Variants in MYO1H observed in about 807,000 individuals in gnomAD.
MYO1H encodes myosin IH.
In MYO1H, 118 loss-of-function variants were observed where a neutral mutation model predicts 149.3. That is an observed-to-expected ratio of 0.79 (90% CI 0.68 to 0.92). MYO1H has a LOEUF of 0.92. MYO1H is among the 40% of genes least tolerant of loss of function. The pLI, the probability that MYO1H is intolerant of heterozygous loss-of-function variation, is 0.00. For missense variants in MYO1H, 1,212 were observed against 1,280.7 expected (o/e 0.95, Z 0.82); for synonymous variants, 447 against 465.2 (o/e 0.96, Z 0.50).
chr12:109,407,877 G>A lies in MYO1H; in HGVS notation c.1119G>A (p.Trp373Ter), dbSNP rs1366212599. 6.2e-7 allele frequency: 1 copy of A among 1,613,946 alleles called. No homozygotes were observed. The highest frequency in any genetic ancestry group is 1.7e-5 in the Admixed American group (1 of 60,018). The change falls in exon 10 of 32, where the codon TGG (tryptophan) becomes TGA (stop). Residue 373 changes from tryptophan (W) to a stop codon, truncating the protein, a stop_gained. Transcript: ENST00000310903. LOFTEE classifies it high-confidence loss of function. ...CTGTTTATGGACGAACGTTTACTTG[G>A]CTGGTCAACAAAATCAATTCCTCCT...
chr12:109,370,123 CAAGAT>C (rs1868951688), intron 1 of MYO1H, among the ~76,000 whole-genome samples: 2 of 152,136 alleles, frequency 1.3e-5, no homozygotes. Flanking sequence ...AGCTACAACT[CAAGAT>C]GAGATTTGGG....
At chr12:109,408,454 CA>C (rs1476290171) in intron 10 of MYO1H, among the ~76,000 whole-genome samples, 1 of 152,174 alleles carries the variant, frequency 6.6e-6, no homozygotes, top group Non-Finnish European at 1.5e-5. Flanking sequence ...GGATTACAGG[CA>C]TGAACCACCA....
the MYO1H span, among the ~76,000 whole-genome samples, chr12:109,319,578 G>A: frequency 6.6e-6 from 1 of 152,150 alleles, no homozygotes; most frequent in South Asian, 2.1e-4. Context: ...GGTGGTGATG[G>A]TGGTATTTTT....
At chr12:109,393,518 A>C in intron 3 of MYO1H, 72 bp downstream of exon 3, 1 of 932,100 alleles carries the variant, frequency 1.1e-6, no homozygotes, top group Non-Finnish European at 1.7e-6. Flanking sequence ...CTTCCTTCTC[A>C]CCACGCATCT....
At chr12:109,426,685 G>A (rs774748490) in intron 18 of MYO1H, among the ~76,000 whole-genome samples, 17 of 152,134 alleles carry the variant, frequency 1.1e-4, no homozygotes, top group Non-Finnish European at 1.9e-4. Flanking sequence ...AACAGTCTTC[G>A]AAAATGATCT....
chr12:109,351,894 T>C (rs1868466781), intron 1 of MYO1H, among the ~76,000 whole-genome samples: 1 of 152,192 alleles, frequency 6.6e-6, no homozygotes, highest in Non-Finnish European at 1.5e-5. Context: ...TCCACGGTGG[T>C]TGGAGATGCT....
At chr12:109,383,801 T>G (rs1869250885) in intron 1 of MYO1H, among the ~76,000 whole-genome samples, 1 of 152,176 alleles carries the variant, frequency 6.6e-6, no homozygotes. Flanking sequence ...CTCACCACCT[T>G]TCCACATACT....
intron 19 of MYO1H, 42 bp from the exon 20 acceptor site, chr12:109,432,855 A>G (rs779132145): frequency 5.6e-5 from 87 of 1,553,256 alleles, no homozygotes; most frequent in Middle Eastern, 1.7e-4. Context: ...GGGCTAGAGG[A>G]AGGTACGGTC....
At chr12:109,437,113 T>G (rs182837398) in intron 22 of MYO1H, among the ~76,000 whole-genome samples, 1 of 151,642 alleles carries the variant, frequency 6.6e-6, no homozygotes, top group East Asian at 2.0e-4. Context: ...TCAAAAAAAA[T>G]AAAAGAATAA....
exon 30 of MYO1H, chr12:109,444,507 A>C (rs771589537): frequency 6.2e-7 from 1 of 1,613,888 alleles, no homozygotes; most frequent in Non-Finnish European, 8.5e-7. Flanking sequence ...GAAGGAGAAC[A>C]TTGTCAATGT....
At chr12:109,320,248 A>C in the MYO1H span, among the ~76,000 whole-genome samples, 1 of 152,040 alleles carries the variant, frequency 6.6e-6, no homozygotes, top group Non-Finnish European at 1.5e-5. Context: ...CAGGAGTCTG[A>C]GGCTGCAGAG....
intron 31 of MYO1H, chr12:109,446,529 C>T (rs1461351639): frequency 8.0e-6 from 7 of 869,704 alleles, no homozygotes; most frequent in African/African-American, 5.5e-5. Context: ...TTTGGGAGGC[C>T]GAGATGGGCA....
intron 10 of MYO1H, among the ~76,000 whole-genome samples, chr12:109,408,236 G>A (rs1187876479): frequency 6.6e-6 from 1 of 152,058 alleles, no homozygotes; most frequent in African/African-American, 2.4e-5. Flanking sequence ...GTGCAGTGGT[G>A]CAATCATAAC....
Position 109,433,513 on chromosome 12 carries a change from C to T in MYO1H, c.2063+503C>T, listed in dbSNP as rs543782660. Among the ~76,000 whole-genome samples, 12 of 152,290 alleles carry T rather than the reference C, an allele frequency of 7.9e-5. No homozygotes were observed. The South Asian group carries it at 1.0e-3, about 13-fold the overall frequency. Reference sequence around the variant, plus strand: ...TCAAGGGACATGAATCGGGAAGATCCGAGTCCGTCTTGTGCGTCATTTTGG... The same window carrying T: ...TCAAGGGACATGAATCGGGAAGATCTGAGTCCGTCTTGTGCGTCATTTTGG... On this transcript the variant is annotated intron_variant, in intron 20 of 31. Transcript: ENST00000310903.
chr12:109,322,468 T>TTTTG, the MYO1H span, among the ~76,000 whole-genome samples: 2 of 152,136 alleles, frequency 1.3e-5, no homozygotes, highest in African/African-American at 2.4e-5. Flanking sequence ...AGTTACTGCT[T>TTTTG]TTTGTTTGTT....
the MYO1H span, among the ~76,000 whole-genome samples, chr12:109,331,016 A>G: frequency 6.6e-6 from 1 of 152,190 alleles, no homozygotes; most frequent in Non-Finnish European, 1.5e-5. Flanking sequence ...TATCATTTAC[A>G]TACTGCTTTG....
intron 7 of MYO1H, among the ~76,000 whole-genome samples, chr12:109,405,028 T>C (rs1202500367): frequency 6.6e-6 from 1 of 151,806 alleles, no homozygotes; most frequent in Non-Finnish European, 1.5e-5. Context: ...CTGGGGAACA[T>C]AGTGAGACCC....
Position 109,409,246 on chromosome 12 carries a change from C to CTTTTTTTTTTTT in MYO1H, c.1156-294_1156-283dup, listed in dbSNP as rs66507410. On this transcript the variant is annotated intron_variant, in intron 10 of 31. Transcript: ENST00000310903. ...TCTTTTTCTTCTTCTTCTTCTTCTT[C>CTTTTTTTTTTTT]TTTTTTTTTTTTTTTTTTTTTTTTT... Among the ~76,000 whole-genome samples the CTTTTTTTTTTTT allele has an allele frequency of 2.2e-3, 105 of 47,868 alleles. 1 individual carries two copies. The highest frequency in any genetic ancestry group is 2.5e-3 in the Non-Finnish European group (65 of 25,872). The allele number at this position is 47,868 out of a possible 152,430, so 31.4% of individuals were successfully genotyped here.
At chr12:109,330,243 AGT>A in the MYO1H span, among the ~76,000 whole-genome samples, 1 of 152,270 alleles carries the variant, frequency 6.6e-6, no homozygotes, top group South Asian at 2.1e-4. Flanking sequence ...TTCCAAATAA[AGT>A]GTGTGTGTGT....
Sources: gnomAD v4.1 joint callset for allele counts (sites outside exome capture counted in the v4.1 genomes callset) on GRCh38, gnomAD v4.1.1 for gene constraint, MANE v1.5 for transcripts, NCBI Gene and HGNC (gene_info 2026-07-23, HGNC 2026-07-21) for gene names.